TTK: variants seen among roughly 807,000 people sequenced by gnomAD.
TTK encodes the protein TTK protein kinase, also known as dual specificity protein kinase TTK.
TTK carries 59 observed loss-of-function variants against 117.3 expected under a neutral mutation model. That is an observed-to-expected ratio of 0.50 (90% CI 0.41 to 0.62). The LOEUF (loss-of-function observed/expected upper bound fraction) is 0.62, where lower values mean the gene tolerates loss of function less well. TTK is among the 20% of genes least tolerant of loss of function. The probability of loss-of-function intolerance (pLI) is 0.00; values close to 1 mark genes in which losing one functional copy is unlikely to be tolerated. For synonymous variants in TTK, 302 were observed against 325.0 expected (o/e 0.93, Z 0.76); for missense variants, 921 against 989.4 (o/e 0.93, Z 0.93).
At chr6:80,023,367 G>A (rs1582100736) in intron 11 of TTK, among the ~76,000 whole-genome samples, 2 of 152,360 alleles carry the variant, frequency 1.3e-5, no homozygotes, top group East Asian at 3.9e-4. Flanking sequence ...GCCAAGGCGG[G>A]CAGATCACGA....
chr6:80,037,053 G>A (rs1316040324), intron 17 of TTK, among the ~76,000 whole-genome samples: 2 of 152,100 alleles, frequency 1.3e-5, no homozygotes, highest in African/African-American at 4.8e-5. Flanking sequence ...TATTGTAAAT[G>A]CCATAAGTAT....
intron 17 of TTK, 71 bp from the exon 18 acceptor site, chr6:80,037,896 A>C (rs564053911): frequency 1.4e-6 from 1 of 714,878 alleles, no homozygotes; most frequent in African/African-American, 2.0e-5. Flanking sequence ...AATAATAATA[A>C]TCTCAAAAAA....
At chr6:80,014,028 C>G (rs1379867473) in intron 9 of TTK, among the ~76,000 whole-genome samples, 2 of 151,976 alleles carry the variant, frequency 1.3e-5, no homozygotes, top group Non-Finnish European at 2.9e-5. Flanking sequence ...ATAATTGTGT[C>G]AAAAAGATTG....
intron 10 of TTK, among the ~76,000 whole-genome samples, chr6:80,018,547 C>G (rs1767372664): frequency 6.7e-6 from 1 of 150,328 alleles, no homozygotes; most frequent in South Asian, 2.1e-4. Flanking sequence ...TCGCTTGAAC[C>G]TGGGAGGCGG....
intron 16 of TTK, 149 bp from the exon 17 acceptor site, chr6:80,036,326 A>G: frequency 1.2e-6 from 1 of 858,274 alleles, no homozygotes; most frequent in Non-Finnish European, 1.7e-6. Context: ...AACAAGTGCT[A>G]TGTAAATATT....
rs991406319 is a variant in TTK, at chr6:80,008,322, G to A, written c.363-64G>A. ...CATGTTTTTTGGAAAATTGAATGAAGCATTATCAAATTTAAGTAGCTATGT... is the reference window on the plus strand; with the variant it reads ...CATGTTTTTTGGAAAATTGAATGAAACATTATCAAATTTAAGTAGCTATGT... On this transcript the variant is annotated intron_variant, in intron 3 of 21. Transcript: ENST00000369798. The A allele has an allele frequency of 2.2e-5, 32 of 1,468,512 alleles. No homozygotes were observed. In the African/African-American group the frequency reaches 2.6e-4, roughly 12 times the overall value. The allele number at this position is 1,468,512 out of a possible 1,614,324, so 91.0% of individuals were successfully genotyped here.
At chr6:80,030,912 G>A (rs1245178281) in intron 13 of TTK, among the ~76,000 whole-genome samples, 1 of 151,982 alleles carries the variant, frequency 6.6e-6, no homozygotes, top group African/African-American at 2.4e-5. Flanking sequence ...CCGGATGGTA[G>A]TGGCATGCCT....
rs951479240 is a variant in TTK at position 80,040,067 on chromosome 6, G to T, written c.2308-129G>T. ...AAAGTGCCTTGGGAGAAATAATCTT[G>T]TCATAATACTTTAGTGGGATATCTA... On this transcript the variant is annotated intron_variant, in intron 19 of 21. Transcript: ENST00000369798. 4 of 948,858 alleles carry T rather than the reference G, an allele frequency of 4.2e-6. No homozygotes were observed. The African/African-American group carries it at 6.9e-5, about 16-fold the overall frequency. The allele number at this position is 948,858 out of a possible 1,614,324, so 58.8% of individuals were successfully genotyped here.
Position 80,039,843 on chromosome 6 carries a change from C to A in TTK, c.2278C>A (p.Pro760Thr). 1 of 1,577,294 alleles carries A rather than the reference C, an allele frequency of 6.3e-7. No homozygotes were observed. The highest frequency in any genetic ancestry group is 8.6e-7 in the Non-Finnish European group (1 of 1,164,492). ...TCATGAAATTGAATTTCCCGATATT[C>A]CAGAGAAAGATCTTCAAGATGTGTT... ...PNHEIEFPDIPEKDLQDVLKC... is the reference protein window; with the variant it reads ...PNHEIEFPDITEKDLQDVLKC... Residue 760 changes from proline to threonine, a missense_variant, in exon 19 of 22, where the codon CCA (proline) becomes ACA (threonine). Coordinates refer to ENST00000369798, the MANE Select transcript of TTK (RefSeq NM_003318.5).
intron 11 of TTK, 30 bp from the exon 12 acceptor site, chr6:80,026,348 T>G (rs779739380): frequency 6.3e-7 from 1 of 1,584,916 alleles, no homozygotes; most frequent in Admixed American, 1.9e-5. Context: ...ATTTAAAAAC[T>G]AAATCATGGT....
intron 9 of TTK, among the ~76,000 whole-genome samples, chr6:80,013,913 A>G (rs1381967986): frequency 6.6e-6 from 1 of 152,028 alleles, no homozygotes; most frequent in Non-Finnish European, 1.5e-5. Flanking sequence ...TGGCATCATG[A>G]TGTGGGTCTT....
intron 19 of TTK, 27 bp from the exon 20 acceptor site, chr6:80,040,169 T>C: frequency 6.7e-7 from 1 of 1,502,946 alleles, no homozygotes; most frequent in Non-Finnish European, 8.9e-7. Context: ...GCTTTGTTTT[T>C]CTTTTAAAAT....
At position 80,040,658 on chromosome 6, in the gene TTK, A is replaced by G. The variant is rs771441797; in HGVS notation, c.2445A>G (p.Gln815=). The change falls in exon 21 of 22, where the codon CAA becomes CAG. Residue 815 remains glutamine (Q), a synonymous_variant. Coordinates refer to ENST00000369798, the MANE Select transcript of TTK (RefSeq NM_003318.5). ...AAGAAATGAAATATGTTCTGGGCCA[A>G]CTTGTTGGTCTGAATTCTCCTAACT... ...TTEEMKYVLG[Q]LVGLNSPNSI... 5 of 1,611,902 alleles carry G rather than the reference A, an allele frequency of 3.1e-6. No individual in the cohort carries two copies. The African/African-American group carries it at 6.7e-5, about 22-fold the overall frequency.
At chr6:80,021,928 C>CA (rs1344787155) in intron 10 of TTK, among the ~76,000 whole-genome samples, 6 of 150,888 alleles carry the variant, frequency 4.0e-5, no homozygotes, top group African/African-American at 1.5e-4. Flanking sequence ...AGGCTGAAAG[C>CA]AAAAAGGAAA....
intron 11 of TTK, among the ~76,000 whole-genome samples, chr6:80,024,918 T>TA (rs1767565862): frequency 6.6e-6 from 1 of 152,176 alleles, no homozygotes; most frequent in Admixed American, 6.5e-5. Context: ...ACTTCTGACT[T>TA]ACTCTCATCT....
chr6:80,018,068 A>G (rs374854786), intron 10 of TTK, among the ~76,000 whole-genome samples: 4 of 152,066 alleles, frequency 2.6e-5, no homozygotes, highest in South Asian at 2.1e-4. Context: ...CCAGCTATGC[A>G]GGAGGCTGAG....
intron 12 of TTK, 61 bp from the exon 13 acceptor site, chr6:80,027,824 T>G (rs1767644658): frequency 1.1e-5 from 14 of 1,313,500 alleles, no homozygotes. Flanking sequence ...TACATGAAAC[T>G]GAATCAGACT....
chr6:80,015,574 C>T (rs140438689), intron 10 of TTK, among the ~76,000 whole-genome samples: 14 of 152,084 alleles, frequency 9.2e-5, no homozygotes, highest in Admixed American at 3.3e-4. Context: ...GGGACACACA[C>T]AAAAAAACAT....
rs1384629564 is a variant in TTK at position 80,042,186 on chromosome 6, A to G, written c.2558A>G (p.Lys853Arg). Residue 853 changes from lysine (K) to arginine (R), a missense_variant, in exon 22 of 22, where the codon AAA becomes AGA. By Grantham distance (26) the Lys-to-Arg change is conservative. Coordinates refer to ENST00000369798, the MANE Select transcript of TTK (RefSeq NM_003318.5). Reference protein sequence around the residue: ...NSSSSKTFEKKRGKK With the variant: ...NSSSSKTFEKRRGKK ...TCATCCTCCAAGACTTTTGAAAAAA[A>G]AAGGGGAAAAAAATGATTTGCAGTT... is the stretch of plus-strand genomic sequence containing the variant. The G allele has an allele frequency of 6.2e-7, 1 of 1,601,720 alleles. No homozygotes were observed. Among genetic ancestry groups the G allele is most frequent in the Non-Finnish European group, 8.5e-7 (1 of 1,172,020 alleles).
Sources: allele counts gnomAD v4.1 joint callset (sites outside exome capture counted in the v4.1 genomes callset), GRCh38; gene constraint gnomAD v4.1.1; transcripts MANE v1.5; gene names NCBI Gene and HGNC (gene_info 2026-07-23, HGNC 2026-07-21).